GRIA1: variants seen among roughly 807,000 people sequenced by gnomAD.
GRIA1 encodes the protein glutamate receptor 1.
In GRIA1, 31 loss-of-function variants were observed where a neutral mutation model predicts 99.2. The observed-to-expected ratio is 0.31, with a 90% CI of 0.23 to 0.42. GRIA1 has a LOEUF of 0.42. Among genes scored for constraint, GRIA1 ranks in the 10% least tolerant of loss-of-function variants. GRIA1 has a pLI of 1.00. For synonymous variants in GRIA1, 438 were observed against 432.4 expected (o/e 1.01, Z -0.16); for missense variants, 782 against 1,157.5 (o/e 0.68, Z 4.71).
At chr5:153,719,287 T>A (rs1759881938) in intron 11 of GRIA1, among the ~76,000 whole-genome samples, 1 of 152,094 alleles carries the variant, frequency 6.6e-6, no homozygotes, top group Non-Finnish European at 1.5e-5. Context: ...TATTGCTGTA[T>A]AACAAACCAC....
chr5:153,686,918 T>A (rs1230981201), intron 8 of GRIA1, among the ~76,000 whole-genome samples: 1 of 152,182 alleles, frequency 6.6e-6, no homozygotes, highest in African/African-American at 2.4e-5. Context: ...CCTTAACCCT[T>A]GATACTTCCT....
intron 11 of GRIA1, among the ~76,000 whole-genome samples, chr5:153,733,949 A>G (rs1460947202): frequency 2.0e-5 from 3 of 152,328 alleles, no homozygotes; most frequent in African/African-American, 4.8e-5. Context: ...TGGATAACTT[A>G]TCCACAGAAA....
At position 153,813,858 on chromosome 5, in the gene GRIA1, G is replaced by A. The variant is rs1282835478; in HGVS notation, c.*2633G>A. ...AAATATCACCGAATATTAAATCACTGTGGATCCATTATCTACTTTTCATAT... is the reference window on the plus strand; with the variant it reads ...AAATATCACCGAATATTAAATCACTATGGATCCATTATCTACTTTTCATAT... On this transcript the variant is annotated 3_prime_UTR_variant, in exon 16 of 16. Transcript: ENST00000285900. 1 of 152,082 alleles carries A rather than the reference G, an allele frequency of 6.6e-6. No individual in the cohort carries two copies. Among genetic ancestry groups the A allele is most frequent in the Non-Finnish European group, 1.5e-5 (1 of 68,026 alleles). 9.4% of individuals were successfully genotyped at this position (152,082 alleles called of 1,614,324 possible).
intron 5 of GRIA1, among the ~76,000 whole-genome samples, chr5:153,673,137 A>G (rs1362999697): frequency 6.6e-6 from 1 of 152,054 alleles, no homozygotes; most frequent in Non-Finnish European, 1.5e-5. Flanking sequence ...CAGCCTCCTT[A>G]CTGTTTCTTG....
rs533803565 is a variant in GRIA1 at position 153,621,506 on chromosome 5, T to C, written c.221-25422T>C. ...CATGAAAGCAGCTGAAACTCAGAAC[T>C]GACCCTTACATCAGAAACCATGTGG... On this transcript the variant is annotated intron_variant, in intron 2 of 15. Coordinates refer to ENST00000285900, the MANE Select transcript of GRIA1 (RefSeq NM_000827.4). Among the ~76,000 whole-genome samples, 6 of 152,278 alleles carry C rather than the reference T, an allele frequency of 3.9e-5. No homozygotes were observed. In the East Asian group the frequency reaches 1.2e-3, roughly 29 times the overall value.
intron 4 of GRIA1, among the ~76,000 whole-genome samples, chr5:153,655,206 C>A (rs1314956340): frequency 6.6e-6 from 1 of 152,148 alleles, no homozygotes; most frequent in African/African-American, 2.4e-5. Flanking sequence ...TCCCTTCCAG[C>A]TTCTAAGTTG....
chr5:153,523,746 T>C (rs1488435556), intron 2 of GRIA1, among the ~76,000 whole-genome samples: 1 of 152,148 alleles, frequency 6.6e-6, no homozygotes, highest in Non-Finnish European at 1.5e-5. Flanking sequence ...GACCTACATA[T>C]AGGAGATGAC....
intron 10 of GRIA1, among the ~76,000 whole-genome samples, chr5:153,704,248 C>T (rs1249576558): frequency 1.3e-5 from 2 of 152,238 alleles, no homozygotes; most frequent in African/African-American, 2.4e-5. Flanking sequence ...CTGTCACCAG[C>T]TTCACTTCTG....
intron 2 of GRIA1, among the ~76,000 whole-genome samples, chr5:153,540,867 C>G (rs1759015692): frequency 6.6e-6 from 1 of 152,106 alleles, no homozygotes; most frequent in Non-Finnish European, 1.5e-5. Flanking sequence ...TCTATACAAG[C>G]CTCTGAGGCA....
intron 2 of GRIA1, among the ~76,000 whole-genome samples, chr5:153,587,526 G>A (rs1561666163): frequency 6.6e-6 from 1 of 152,152 alleles, no homozygotes; most frequent in Non-Finnish European, 1.5e-5. Flanking sequence ...AGCCAGGCTT[G>A]AGAAACCACA....
intron 2 of GRIA1, among the ~76,000 whole-genome samples, chr5:153,609,555 C>CTTTTTT (rs3036982): frequency 3.6e-5 from 3 of 84,362 alleles, no homozygotes; most frequent in Admixed American, 1.5e-4. Flanking sequence ...AGACTCTTTT[C>CTTTTTT]TTTTTTTTTT....
At chr5:153,732,493 T>C (rs537965411) in intron 11 of GRIA1, among the ~76,000 whole-genome samples, 8 of 152,294 alleles carry the variant, frequency 5.3e-5, no homozygotes, top group Admixed American at 2.6e-4. Flanking sequence ...GAGCACCTTT[T>C]CATATACACA....
intron 2 of GRIA1, among the ~76,000 whole-genome samples, chr5:153,618,430 T>A (rs1344805367): frequency 6.6e-6 from 1 of 152,198 alleles, no homozygotes; most frequent in Non-Finnish European, 1.5e-5. Context: ...TGTTGAGTGA[T>A]TTAACAGGTC....
intron 13 of GRIA1, 77 bp downstream of exon 13, chr5:153,770,492 C>T (rs1247397162): frequency 2.2e-6 from 3 of 1,393,612 alleles, no homozygotes; most frequent in Non-Finnish European, 3.0e-6. Flanking sequence ...GTGTCTGCTA[C>T]AAGCCTCCAA....
chr5:153,596,643 A>G (rs1764457092), intron 2 of GRIA1, among the ~76,000 whole-genome samples: 1 of 152,114 alleles, frequency 6.6e-6, no homozygotes, highest in Non-Finnish European at 1.5e-5. Flanking sequence ...GACGCTGGAA[A>G]AGCTGGGTGG....
chr5:153,515,628 A>G (rs887281775), intron 2 of GRIA1, among the ~76,000 whole-genome samples: 3 of 152,216 alleles, frequency 2.0e-5, no homozygotes, highest in Non-Finnish European at 2.9e-5. Context: ...TCTCACCACA[A>G]AGAAATGACA....
intron 1 of GRIA1, chr5:153,491,292 A>C: frequency 8.0e-7 from 1 of 1,250,050 alleles, no homozygotes. Context: ...TAAGGAGTTA[A>C]CTCTATTGCT....
chr5:153,777,291 C>T (rs1365777703), intron 13 of GRIA1, among the ~76,000 whole-genome samples: 1 of 152,064 alleles, frequency 6.6e-6, no homozygotes, highest in Non-Finnish European at 1.5e-5. Context: ...GGAGGAGGCC[C>T]TGAAGGAATA....
chr5:153,589,037 G>GA (rs1009182004), intron 2 of GRIA1, among the ~76,000 whole-genome samples: 4 of 152,076 alleles, frequency 2.6e-5, no homozygotes, highest in African/African-American at 9.6e-5. Flanking sequence ...CTAAGTGAGG[G>GA]AAAAAAGAGA....
Sources: gnomAD v4.1 joint callset for allele counts (sites outside exome capture counted in the v4.1 genomes callset) on GRCh38, gnomAD v4.1.1 for gene constraint, MANE v1.5 for transcripts, NCBI Gene and HGNC (gene_info 2026-07-23, HGNC 2026-07-21) for gene names.